NBEAL1: variants seen among roughly 807,000 people sequenced by gnomAD.
The protein encoded by NBEAL1 is neurobeachin-like protein 1.
Under a neutral mutation model 351.3 loss-of-function variants are expected in NBEAL1, and 273 were observed. The ratio of observed to expected loss-of-function variants is 0.78; its 90% CI spans 0.70 to 0.86. The LOEUF (loss-of-function observed/expected upper bound fraction) is 0.86, where lower values mean the gene tolerates loss of function less well. Among genes scored for constraint, NBEAL1 ranks in the 40% least tolerant of loss-of-function variants. The pLI, the probability that NBEAL1 is intolerant of heterozygous loss-of-function variation, is 0.00. For synonymous variants in NBEAL1, 1,050 were observed against 1,086.4 expected (o/e 0.97, Z 0.66); for missense variants, 2,961 against 3,201.3 (o/e 0.92, Z 1.81).
intron 2 of NBEAL1, among the ~76,000 whole-genome samples, chr2:203,036,678 C>A (rs2061044587): frequency 6.7e-6 from 1 of 149,090 alleles, no homozygotes; most frequent in Non-Finnish European, 1.5e-5. Flanking sequence ...TGCTTTACTT[C>A]TTAATAAATG....
intron 7 of NBEAL1, among the ~76,000 whole-genome samples, chr2:203,072,198 C>G (rs1252913338): frequency 1.3e-5 from 2 of 152,200 alleles, no homozygotes; most frequent in Non-Finnish European, 2.9e-5. Context: ...ATGGTCTGAT[C>G]TATAGAATCC....
chr2:203,110,677 A>G (rs530430277), intron 15 of NBEAL1, among the ~76,000 whole-genome samples: 183 of 131,834 alleles, frequency 1.4e-3, no homozygotes, highest in African/African-American at 5.3e-3. Context: ...CTGTCTCAAA[A>G]TAAATAAATA....
intron 49 of NBEAL1, among the ~76,000 whole-genome samples, chr2:203,200,987 T>G (rs967965977): frequency 6.6e-6 from 1 of 152,240 alleles, no homozygotes; most frequent in Non-Finnish European, 1.5e-5. Flanking sequence ...CACACTGAGT[T>G]GCAATCACTT....
At chr2:203,066,522 A>G (rs970111812) in intron 6 of NBEAL1, among the ~76,000 whole-genome samples, 3 of 151,762 alleles carry the variant, frequency 2.0e-5, no homozygotes, top group Admixed American at 6.6e-5. Flanking sequence ...TCTTTTCCCC[A>G]CATTTCCCCC....
At chr2:203,166,992 G>C (rs575295913) in intron 37 of NBEAL1, among the ~76,000 whole-genome samples, 1 of 152,310 alleles carries the variant, frequency 6.6e-6, no homozygotes, top group South Asian at 2.1e-4. Flanking sequence ...CTGTTTCTGA[G>C]ATGTATTCAG....
chr2:203,111,870 C>T, intron 15 of NBEAL1, 109 bp from the exon 16 acceptor site: 1 of 1,236,668 alleles, frequency 8.1e-7, no homozygotes, highest in Non-Finnish European at 1.1e-6. Context: ...TACGTTTAAT[C>T]TTAACGTTCT....
At chr2:203,139,549 AC>A (rs2063310925) in intron 31 of NBEAL1, among the ~76,000 whole-genome samples, 1 of 81,094 alleles carries the variant, frequency 1.2e-5, no homozygotes. Context: ...CAGGTTGCCC[AC>A]CCCCACCTTT....
chr2:203,150,546 T>A (rs962851268), intron 34 of NBEAL1, among the ~76,000 whole-genome samples: 1 of 152,086 alleles, frequency 6.6e-6, no homozygotes, highest in African/African-American at 2.4e-5. Flanking sequence ...GGAAAGTTTT[T>A]AATTTTAACA....
At chr2:203,083,671 AT>A (rs1232226924) in intron 9 of NBEAL1, 146 bp downstream of exon 9, 2 of 625,044 alleles carry the variant, frequency 3.2e-6, no homozygotes, top group Non-Finnish European at 5.3e-6. Flanking sequence ...TGACTTCAAA[AT>A]AATTTATATA....
intron 35 of NBEAL1, among the ~76,000 whole-genome samples, chr2:203,154,865 G>A (rs1410355762): frequency 1.3e-5 from 2 of 148,172 alleles, no homozygotes; most frequent in Admixed American, 1.4e-4. Context: ...AACCCAGGAG[G>A]TCGAGGCTAC....
intron 12 of NBEAL1, among the ~76,000 whole-genome samples, chr2:203,104,914 C>A (rs1253478245): frequency 6.6e-6 from 1 of 150,918 alleles, no homozygotes; most frequent in Non-Finnish European, 1.5e-5. Context: ...GGTTGGAGTG[C>A]AGTGATGTAA....
intron 8 of NBEAL1, among the ~76,000 whole-genome samples, chr2:203,080,119 G>T (rs2106157910): frequency 6.6e-6 from 1 of 152,210 alleles, no homozygotes; most frequent in Non-Finnish European, 1.5e-5. Flanking sequence ...CTGAGTTTAA[G>T]AGTTTCCTGG....
At chr2:203,119,696 G>A (rs1284636336) in intron 18 of NBEAL1, among the ~76,000 whole-genome samples, 1 of 152,058 alleles carries the variant, frequency 6.6e-6, no homozygotes, top group Non-Finnish European at 1.5e-5. Flanking sequence ...AAAGTGCTGG[G>A]ATTACAGGTG....
chr2:203,086,883 A>C (rs559028642), intron 10 of NBEAL1, among the ~76,000 whole-genome samples: 11 of 151,866 alleles, frequency 7.2e-5, no homozygotes, highest in Non-Finnish European at 1.6e-4. Flanking sequence ...TTATCGACCC[A>C]GTTTCTCAAA....
chr2:203,159,740 T>C (rs2063895758), intron 36 of NBEAL1, among the ~76,000 whole-genome samples: 1 of 152,162 alleles, frequency 6.6e-6, no homozygotes, highest in African/African-American at 2.4e-5. Context: ...TTTGTTGTCT[T>C]GGTTATCTAC....
chr2:203,119,363 C>T (rs924801036), intron 18 of NBEAL1, among the ~76,000 whole-genome samples: 2 of 149,260 alleles, frequency 1.3e-5, no homozygotes, highest in African/African-American at 4.9e-5. Context: ...AAGTGATCCA[C>T]CCACTTAGGC....
At chr2:203,193,977 T>A in intron 47 of NBEAL1, 66 bp downstream of exon 47, 1 of 845,702 alleles carries the variant, frequency 1.2e-6, no homozygotes, top group Non-Finnish European at 1.9e-6. Context: ...AAAGTTCTTT[T>A]ATTATTTAAT....
intron 45 of NBEAL1, 82 bp from the exon 46 acceptor site, chr2:203,190,210 C>CACACACA: frequency 1.6e-6 from 1 of 642,336 alleles, no homozygotes. Context: ...ACACACACAC[C>CACACACA]AATGAGCCTG....
In NBEAL1 at chr2:203,106,440, C is replaced by G. The variant is rs909499907; in HGVS notation, c.1270-980C>G. On this transcript the variant is annotated intron_variant, in intron 12 of 55. Transcript: ENST00000683969. Reference sequence around the variant, plus strand: ...ATTGAATAGGCTTTTACAACTTTTACAGTCTGGCTTGTGACTTAATCTCCA... The same window carrying G: ...ATTGAATAGGCTTTTACAACTTTTAGAGTCTGGCTTGTGACTTAATCTCCA... Among the ~76,000 whole-genome samples, 89 of 152,128 alleles carry G rather than the reference C, an allele frequency of 5.9e-4. 6 individuals are homozygous for G. Among genetic ancestry groups the G allele is most frequent in the Non-Finnish European group, 1.5e-5 (1 of 68,006 alleles).
Sources: gnomAD v4.1 joint callset for allele counts (sites outside exome capture counted in the v4.1 genomes callset) on GRCh38, gnomAD v4.1.1 for gene constraint, MANE v1.5 for transcripts, NCBI Gene and HGNC (gene_info 2026-07-23, HGNC 2026-07-21) for gene names.